Variants in GALNT18 observed in about 807,000 individuals in gnomAD.
The protein encoded by GALNT18 is polypeptide N-acetylgalactosaminyltransferase 18.
Under a neutral mutation model 69.5 loss-of-function variants are expected in GALNT18, and 44 were observed. That is an observed-to-expected ratio of 0.63 (90% CI 0.50 to 0.81). The LOEUF is 0.81. GALNT18 is among the 40% of genes least tolerant of loss of function. The pLI is 0.00. For synonymous variants in GALNT18, 364 were observed against 318.2 expected (o/e 1.14, Z -1.53); for missense variants, 715 against 810.0 (o/e 0.88, Z 1.42).
At chr11:11,512,676 G>T (rs1454916182) in intron 1 of GALNT18, among the ~76,000 whole-genome samples, 1 of 152,166 alleles carries the variant, frequency 6.6e-6, no homozygotes, top group African/African-American at 2.4e-5. Context: ...ATCCAAATTG[G>T]CAGTTTGCAC....
At chr11:11,589,671 T>C (rs573169945) in intron 1 of GALNT18, among the ~76,000 whole-genome samples, 1 of 152,198 alleles carries the variant, frequency 6.6e-6, no homozygotes, top group Admixed American at 6.5e-5. Flanking sequence ...CCAGCCCTCC[T>C]GGGGAGAGTG....
chr11:11,324,466 G>A (rs1849885272), intron 9 of GALNT18, among the ~76,000 whole-genome samples: 1 of 152,194 alleles, frequency 6.6e-6, no homozygotes, highest in East Asian at 1.9e-4. Flanking sequence ...ATACTACATA[G>A]TAGTAAAAAT....
rs1850537188 is a variant in GALNT18, at chr11:11,356,795, C to T, written c.1092+15720G>A. Among the ~76,000 whole-genome samples, 1 of 152,232 alleles carries T rather than the reference C, an allele frequency of 6.6e-6. No homozygotes were observed. Among genetic ancestry groups the T allele is most frequent in the African/African-American group, 2.4e-5 (1 of 41,460 alleles). ...GAGTAAAATTGTTCTTGGGCACTCTCCTTCTGCTCCCCACCATTTCTAGCT... is the reference window on the plus strand; with the variant it reads ...GAGTAAAATTGTTCTTGGGCACTCTTCTTCTGCTCCCCACCATTTCTAGCT... On this transcript the variant is annotated intron_variant, in intron 6 of 10. Coordinates refer to ENST00000227756, the MANE Select transcript of GALNT18 (RefSeq NM_198516.3). This position sits in a 1 kb window ranked among gnomAD's most constrained non-coding sequence, Gnocchi z 4.4.
chr11:11,456,277 A>C (rs1344469330), intron 1 of GALNT18, among the ~76,000 whole-genome samples: 1 of 152,162 alleles, frequency 6.6e-6, no homozygotes, highest in African/African-American at 2.4e-5. Flanking sequence ...CTGCAGCTGG[A>C]GACATTAAGG....
chr11:11,271,366 G>A, intron 10 of GALNT18, 76 bp from the exon 11 acceptor site: 1 of 1,442,756 alleles, frequency 6.9e-7, no homozygotes, highest in Non-Finnish European at 9.7e-7. Context: ...CAGGCCAAGT[G>A]GCTGGTGAGG....
At chr11:11,569,247 GA>G (rs11426572) in intron 1 of GALNT18, among the ~76,000 whole-genome samples, 15,346 of 136,032 alleles carry the variant, frequency 0.11, 896 homozygotes, top group Admixed American at 0.16. Context: ...AGGCTGAAGG[GA>G]AAAAAAAAAA....
intron 3 of GALNT18, among the ~76,000 whole-genome samples, chr11:11,380,294 C>A (rs142064690): frequency 3.9e-5 from 6 of 152,350 alleles, no homozygotes; most frequent in Non-Finnish European, 5.9e-5. Flanking sequence ...CACATAACAA[C>A]TGAAGCCCAT....
At chr11:11,358,859 A>ACACACACACACG (rs1554921791) in intron 6 of GALNT18, among the ~76,000 whole-genome samples, 2,872 of 129,942 alleles carry the variant, frequency 0.022, 335 homozygotes, top group African/African-American at 0.065. Flanking sequence ...ACACACACAC[A>ACACACACACACG]CACGCACAGA....
chr11:11,503,111 A>C (rs77940176), intron 1 of GALNT18, among the ~76,000 whole-genome samples: 2 of 152,110 alleles, frequency 1.3e-5, no homozygotes, highest in Non-Finnish European at 2.9e-5. Context: ...CTCTTCTCAA[A>C]AGCCACCCCT....
At position 11,341,597 on chromosome 11, in the gene GALNT18, A is replaced by T. The variant is rs1273521524; in HGVS notation, c.1093-593T>A. Among the ~76,000 whole-genome samples, 3 of 152,172 alleles carry T rather than the reference A, an allele frequency of 2.0e-5. No homozygotes were observed. Among genetic ancestry groups the T allele is most frequent in the African/African-American group, 7.2e-5 (3 of 41,452 alleles). On this transcript the variant is annotated intron_variant, in intron 6 of 10. Transcript: ENST00000227756. This position sits in a 1 kb window ranked among gnomAD's most constrained non-coding sequence, Gnocchi z 6.3. ...TTAAACTTCTTAGCAACCTTGGTGAATAGGAGATTGATCCGAATGCAATTA... is the reference window on the plus strand; with the variant it reads ...TTAAACTTCTTAGCAACCTTGGTGATTAGGAGATTGATCCGAATGCAATTA...
rs1392308467 is a variant in GALNT18 at position 11,540,391 on chromosome 11, G to A, written c.235+80968C>T. On this transcript the variant is annotated intron_variant, in intron 1 of 10. Transcript: ENST00000227756. This position sits in a 1 kb window ranked among gnomAD's most constrained non-coding sequence, Gnocchi z 4.6. ...ATGCCAAGAGCCCTGGGTGGTTTGG[G>A]TTTGTTTTGTCCATACCCACACCGT... 2.6e-5 allele frequency among the ~76,000 whole-genome samples: 4 copies of A among 152,150 alleles called. No homozygotes were observed. Among genetic ancestry groups the A allele is most frequent in the Non-Finnish European group, 5.9e-5 (4 of 68,038 alleles).
chr11:11,286,060 T>C (rs2132993966), intron 10 of GALNT18, among the ~76,000 whole-genome samples: 1 of 152,262 alleles, frequency 6.6e-6, no homozygotes, highest in Admixed American at 6.5e-5. Flanking sequence ...AGCGCTGCTC[T>C]GAGAATGAAG....
rs1288891688 is a variant in GALNT18, at chr11:11,621,399, C to T, written c.195G>A (p.Arg65=). ...TGATGACATTCTCCAGGTGGTCCAG[C>T]CGCTCAATAATCTTCAGAGTGTCCC... ...DKGDTLKIIE[R]LDHLENVIKQ... The change falls in exon 1 of 11, where the codon CGG becomes CGA. Residue 65 remains arginine (R), a synonymous_variant. Coordinates refer to ENST00000227756, the MANE Select transcript of GALNT18 (RefSeq NM_198516.3). The surrounding 1 kb of genome is among the most constrained non-coding windows in gnomAD (Gnocchi z 9.3). The T allele has an allele frequency of 3.1e-6, 5 of 1,614,006 alleles. No homozygotes were observed. The African/African-American group carries it at 6.7e-5, about 22-fold the overall frequency.
intron 1 of GALNT18, among the ~76,000 whole-genome samples, chr11:11,585,697 A>G (rs1859200933): frequency 6.6e-6 from 1 of 152,150 alleles, no homozygotes; most frequent in Non-Finnish European, 1.5e-5. Context: ...ACATATCACA[A>G]CAGGCTGAAT....
Position 11,396,514 on chromosome 11 carries a change from C to T in GALNT18, c.596-17250G>A, listed in dbSNP as rs146245444. On this transcript the variant is annotated intron_variant, in intron 3 of 10. Coordinates refer to ENST00000227756, the MANE Select transcript of GALNT18 (RefSeq NM_198516.3). The surrounding 1 kb of genome is among the most constrained non-coding windows in gnomAD (Gnocchi z 5.2). ...TGGGAGCTGAAAACAAAACTTCCCT[C>T]CTCAGAAGTCTACATAGCAACACGG... 3.4e-3 allele frequency among the ~76,000 whole-genome samples: 525 copies of T among 152,252 alleles called. No individual in the cohort carries two copies. The highest frequency in any genetic ancestry group is 6.1e-3 in the Non-Finnish European group (417 of 68,018).
chr11:11,350,927 T>C (rs1850389067), intron 6 of GALNT18, among the ~76,000 whole-genome samples: 1 of 152,214 alleles, frequency 6.6e-6, no homozygotes, highest in African/African-American at 2.4e-5. Flanking sequence ...GTAACCTCTA[T>C]TTCCAGCAGT....
intron 10 of GALNT18, among the ~76,000 whole-genome samples, chr11:11,282,353 T>C (rs916619525): frequency 5.3e-5 from 8 of 152,220 alleles, no homozygotes; most frequent in African/African-American, 1.9e-4. Flanking sequence ...CTATCACTTA[T>C]TTACCATTTG....
Position 11,573,846 on chromosome 11 carries a change from G to T in GALNT18, c.235+47513C>A, listed in dbSNP as rs1335412589. The T allele has an allele frequency of 6.6e-6, 1 of 152,302 alleles. No homozygotes were observed. Among genetic ancestry groups the T allele is most frequent in the Non-Finnish European group, 1.5e-5 (1 of 68,126 alleles). The allele number at this position is 152,302 out of a possible 1,614,324, so 9.4% of individuals were successfully genotyped here. A position where few individuals can be genotyped will look rare whatever the true frequency, so the allele number is the denominator to read the frequency against. On this transcript the variant is annotated intron_variant, in intron 1 of 10. Transcript: ENST00000227756. This position sits in a 1 kb window ranked among gnomAD's most constrained non-coding sequence, Gnocchi z 4.6. ...GATCCTTCCCACTGCAGAAGGCGGG[G>T]TGCTGAGCACTGTGCTGGGGCTTTC...
chr11:11,311,452 T>G (rs1849673274), intron 9 of GALNT18, among the ~76,000 whole-genome samples: 1 of 152,140 alleles, frequency 6.6e-6, no homozygotes, highest in African/African-American at 2.4e-5. Context: ...GGGGAATGAA[T>G]TATAGAAAGC....
Sources: gnomAD v4.1 joint callset for allele counts (sites outside exome capture counted in the v4.1 genomes callset) on GRCh38, gnomAD v4.1.1 for gene constraint, Gnocchi (gnomAD v3.1) non-coding constraint, MANE v1.5 for transcripts, NCBI Gene and HGNC (gene_info 2026-07-23, HGNC 2026-07-21) for gene names.